DHX8: variants seen among roughly 807,000 people sequenced by gnomAD.
DHX8 encodes the protein ATP-dependent RNA helicase DHX8.
A neutral mutation model predicts 140.7 loss-of-function variants in DHX8; 67 were observed. The ratio of observed to expected loss-of-function variants is 0.48; its 90% CI spans 0.39 to 0.58. The LOEUF is 0.58. Ranked by LOEUF, DHX8 falls within the 20% of genes least tolerant of loss-of-function variation. The probability of loss-of-function intolerance (pLI) is 0.00; values close to 1 mark genes in which losing one functional copy is unlikely to be tolerated. For synonymous variants in DHX8, 533 were observed against 553.2 expected, an observed-to-expected ratio of 0.96 and a Z score of 0.51; for missense variants, 887 against 1,550.7, an observed-to-expected ratio of 0.57 and a Z score of 7.19.
chr17:43,532,658 C>T, intron 2 of DHX8: 1 of 1,604,102 alleles, frequency 6.2e-7, no homozygotes. Context: ...CACCCTGCCC[C>T]ACCCCAGTCT....
intron 3 of DHX8, among the ~76,000 whole-genome samples, chr17:43,536,917 T>C (rs1056014026): frequency 3.9e-5 from 6 of 152,252 alleles, no homozygotes; most frequent in African/African-American, 1.4e-4. Flanking sequence ...GATTCCAGTC[T>C]TTCTTCTTCT....
At chr17:43,493,951 G>T in intron 8 of DHX8, 65 bp downstream of exon 8, 1 of 1,548,018 alleles carries the variant, frequency 6.5e-7, no homozygotes, top group East Asian at 2.2e-5. Context: ...TTAGGGGTGT[G>T]CCCTGGAGCA....
At position 43,537,403 on chromosome 17, in the gene DHX8, TA is replaced by T. The variant is rs1364969413; in HGVS notation, c.*20+906del. ...AAATTAAATAATAAATAAAATCACATAGGGGGGTGGCTGGGCGCAGTGGTTC... is the reference window on the plus strand; with the variant it reads ...AAATTAAATAATAAATAAAATCACATGGGGGGTGGCTGGGCGCAGTGGTTC... On this transcript the variant is annotated intron_variant, in intron 3 of 3. Transcript: ENST00000589898. Among the ~76,000 whole-genome samples the T allele has an allele frequency of 1.1e-4, 16 of 149,660 alleles. No individual in the cohort carries two copies. The East Asian group carries it at 2.0e-3, about 19-fold the overall frequency.
In DHX8 at chr17:43,488,123, T is replaced by C. The variant is rs373488874; in HGVS notation, c.149-1326T>C. ...TGAAATCCTGTCTGTACTAAAAATA[T>C]AAAAATTAGCCGGTCATGGTGGCAT... On this transcript the variant is annotated intron_variant, in intron 1 of 22. Transcript: ENST00000262415. 4.6e-5 allele frequency among the ~76,000 whole-genome samples: 7 copies of C among 151,284 alleles called. No homozygotes were observed. In the South Asian group the frequency reaches 1.0e-3, roughly 23 times the overall value.
chr17:43,513,571 T>C, intron 17 of DHX8, 69 bp downstream of exon 17: 1 of 1,516,996 alleles, frequency 6.6e-7, no homozygotes, highest in Non-Finnish European at 8.9e-7. Context: ...TTTTTTATGG[T>C]TATATATTTC....
In DHX8 at chr17:43,508,346, C is replaced by A. The variant is rs1172842130; in HGVS notation, c.2328C>A (p.Ile776=). The A allele has an allele frequency of 3.1e-6, 5 of 1,611,762 alleles. No individual in the cohort carries two copies. Among genetic ancestry groups the A allele is most frequent in the Admixed American group, 1.7e-5 (1 of 59,836 alleles). ...QIHLTEPPGD[I]LVFLTGQEEI... ...GTTCTATTCTGCTCGTAGGTGATAT[C>A]CTGGTCTTCCTGACTGGTCAGGAAG... The change falls in exon 16 of 23, where the codon ATC becomes ATA. Residue 776 remains isoleucine, a synonymous_variant. Transcript: ENST00000262415.
At chr17:43,517,365 C>CAATCCTG in intron 18 of DHX8, 43 bp downstream of exon 18, 1 of 1,573,950 alleles carries the variant, frequency 6.4e-7, no homozygotes, top group Non-Finnish European at 8.6e-7. Context: ...TGGAACAGTC[C>CAATCCTG]AATCCTGGCC....
At position 43,500,018 on chromosome 17, in the gene DHX8, G is replaced by A. The variant is rs199983524; in HGVS notation, c.1461G>A (p.Arg487=). 5 of 1,614,154 alleles carry A rather than the reference G, an allele frequency of 3.1e-6. No individual in the cohort carries two copies. Among genetic ancestry groups the A allele is most frequent in the East Asian group, 2.2e-5 (1 of 44,884 alleles). The change falls in exon 11 of 23, where the codon CGG becomes CGA. Residue 487 remains arginine, a synonymous_variant. Coordinates refer to ENST00000262415, the MANE Select transcript of DHX8 (RefSeq NM_004941.3). The part of the protein sequence containing the change: ...MMQSALAKER[R]ELKQAQREAE... ...AGAGTGCCTTGGCCAAAGAAAGGCG[G>A]GAACTCAAACAGGCCCAGCGGGAAG...
intron 22 of DHX8, 123 bp from the exon 23 acceptor site, chr17:43,523,505 G>C: frequency 6.9e-7 from 1 of 1,459,312 alleles, no homozygotes; most frequent in Non-Finnish European, 9.2e-7. Flanking sequence ...CAGTCTTATA[G>C]GTGTCAGGCA....
chr17:43,484,492 T>C lies in DHX8; in HGVS notation c.148+307T>C, dbSNP rs1025848080. On this transcript the variant is annotated intron_variant, in intron 1 of 22. Transcript: ENST00000262415. ...ACAACAACAGCAGCAGATGCTGCGA[T>C]GACGACGATGATGGCTGACGTTTAT... 2.0e-5 allele frequency among the ~76,000 whole-genome samples: 3 copies of C among 152,324 alleles called. No individual in the cohort carries two copies. In the South Asian group the frequency reaches 6.2e-4, roughly 32 times the overall value.
chr17:43,507,387 A>G, intron 13 of DHX8, 116 bp from the exon 14 acceptor site: 1 of 1,139,828 alleles, frequency 8.8e-7, no homozygotes, highest in East Asian at 2.6e-5. Context: ...AAATTACTGT[A>G]CATCTTGATC....
intron 4 of DHX8, 26 bp from the exon 5 acceptor site, chr17:43,492,157 A>G (rs1317741239): frequency 1.9e-6 from 3 of 1,581,970 alleles, no homozygotes; most frequent in Admixed American, 1.7e-5. Context: ...TTTTTTTCCT[A>G]ACTTTGCCGG....
rs773944597 is a variant in DHX8 at position 43,491,231 on chromosome 17, C to A, written c.374C>A (p.Pro125Gln). The change falls in exon 4 of 23, where the codon CCG (proline) becomes CAG (glutamine). Residue 125 changes from proline to glutamine, a missense_variant. Physicochemically the swap from Pro to Gln is moderately conservative, Grantham distance 76. Coordinates refer to ENST00000262415, the MANE Select transcript of DHX8 (RefSeq NM_004941.3). Reference sequence around the variant, plus strand: ...GAACTCTTCCCAGTCCTTTGCCAACCGGACAACCCTTCTGTTCGGGTACTG... The same window carrying A: ...GAACTCTTCCCAGTCCTTTGCCAACAGGACAACCCTTCTGTTCGGGTACTG... Reference protein sequence around the residue: ...LKELFPVLCQPDNPSVRTMLD... With the variant: ...LKELFPVLCQQDNPSVRTMLD... The A allele has an allele frequency of 1.5e-4, 230 of 1,530,280 alleles. No homozygotes were observed. Among genetic ancestry groups the A allele is most frequent in the Non-Finnish European group, 1.9e-4 (222 of 1,138,504 alleles). The allele number at this position is 1,530,280 out of a possible 1,614,324, so 94.8% of individuals were successfully genotyped here. A position where few individuals can be genotyped will look rare whatever the true frequency, so the allele number is the denominator to read the frequency against.
At chr17:43,496,728 C>A (rs1023012607) in intron 9 of DHX8, among the ~76,000 whole-genome samples, 1 of 151,546 alleles carries the variant, frequency 6.6e-6, no homozygotes, top group Admixed American at 6.6e-5. Context: ...TGCCGTGAGC[C>A]GAGATCGCGC....
chr17:43,504,991 A>G (rs1053576840), intron 12 of DHX8, among the ~76,000 whole-genome samples, 166 bp downstream of exon 12: 3 of 152,062 alleles, frequency 2.0e-5, no homozygotes, highest in Non-Finnish European at 4.4e-5. Flanking sequence ...TTTTTTTTAA[A>G]TGGGGCTGGG....
chr17:43,493,223 A>G (rs1968642389), intron 6 of DHX8, among the ~76,000 whole-genome samples, 183 bp downstream of exon 6: 1 of 152,206 alleles, frequency 6.6e-6, no homozygotes, highest in African/African-American at 2.4e-5. Flanking sequence ...CTCTGTCTTC[A>G]GGAGATCTGT....
Position 43,499,991 on chromosome 17 carries a change from G to T in DHX8, c.1434G>T (p.Met478Ile). 6.2e-7 allele frequency: 1 copy of T among 1,614,160 alleles called. No individual in the cohort carries two copies. Among genetic ancestry groups the T allele is most frequent in the South Asian group, 1.1e-5 (1 of 91,088 alleles). ...PDGSLSQAAM[M>I]QSALAKERRE... ...GCTCCCTCTCCCAAGCAGCAATGAT[G>T]CAGAGTGCCTTGGCCAAAGAAAGGC... The change falls in exon 11 of 23, where the codon ATG (methionine) becomes ATT (isoleucine). Residue 478 changes from methionine (M) to isoleucine (I), a missense_variant. This residue lies in a region of DHX8 where 178 missense variants were observed against 398.5 expected (regional missense o/e 0.45). Transcript: ENST00000262415.
intron 10 of DHX8, among the ~76,000 whole-genome samples, chr17:43,499,565 A>T (rs1424003315): frequency 6.6e-6 from 1 of 152,166 alleles, no homozygotes; most frequent in African/African-American, 2.4e-5. Context: ...TCATCATGAG[A>T]TGGATCTGAT....
intron 18 of DHX8, chr17:43,519,342 T>C (rs943818282): frequency 2.0e-5 from 3 of 152,230 alleles, no homozygotes; most frequent in Non-Finnish European, 4.4e-5. Flanking sequence ...GATTTGCATT[T>C]CCCTAATTAC....
Sources: gnomAD v4.1 joint callset for allele counts (sites outside exome capture counted in the v4.1 genomes callset) on GRCh38, gnomAD v4.1.1 for gene constraint, gnomAD v4.1.1 regional missense constraint, MANE v1.5 for transcripts, NCBI Gene and HGNC (gene_info 2026-07-23, HGNC 2026-07-21) for gene names.